STAG1: variants seen among roughly 807,000 people sequenced by gnomAD.
STAG1 encodes STAG1 cohesin complex component.
Under a neutral mutation model 170.9 loss-of-function variants are expected in STAG1, and 26 were observed. The observed-to-expected ratio is 0.15, with a 90% CI of 0.11 to 0.21. STAG1 has a LOEUF of 0.21. STAG1 is among the 10% of genes least tolerant of loss of function. The pLI, the probability that STAG1 is intolerant of heterozygous loss-of-function variation, is 1.00. For missense variants in STAG1, 964 were observed against 1,509.5 expected (o/e 0.64, Z 5.99); for synonymous variants, 514 against 497.7 (o/e 1.03, Z -0.44).
chr3:136,473,491 C>A (rs751137883), intron 11 of STAG1, 48 bp downstream of exon 11: 1 of 1,373,646 alleles, frequency 7.3e-7, no homozygotes, highest in Non-Finnish European at 1.0e-6. Context: ...CTGTAACTAG[C>A]ATTTGTAAAG....
At chr3:136,722,455 G>A (rs946211944) in intron 1 of STAG1, among the ~76,000 whole-genome samples, 30 of 152,106 alleles carry the variant, frequency 2.0e-4, no homozygotes, top group Non-Finnish European at 4.1e-4. Context: ...GAACAGATGA[G>A]GTCATCTACT....
intron 16 of STAG1, among the ~76,000 whole-genome samples, chr3:136,425,693 T>C (rs1416822736): frequency 6.6e-6 from 1 of 150,390 alleles, no homozygotes; most frequent in Non-Finnish European, 1.5e-5. Context: ...TATGTGTGTG[T>C]ATGTATGTAT....
intron 23 of STAG1, among the ~76,000 whole-genome samples, chr3:136,371,194 T>G (rs1360894447): frequency 6.6e-6 from 1 of 152,226 alleles, no homozygotes; most frequent in Non-Finnish European, 1.5e-5. Context: ...TTGTCCACTT[T>G]TTGATGTGGT....
At chr3:136,692,564 G>A (rs887071867) in intron 1 of STAG1, among the ~76,000 whole-genome samples, 1 of 152,072 alleles carries the variant, frequency 6.6e-6, no homozygotes, top group South Asian at 2.1e-4. Flanking sequence ...GAACCCAAGA[G>A]ATGGTGGTTG....
intron 9 of STAG1, among the ~76,000 whole-genome samples, chr3:136,486,632 G>A (rs959889499): frequency 2.6e-5 from 4 of 152,120 alleles, no homozygotes; most frequent in African/African-American, 9.7e-5. Context: ...AGCAGGCTGA[G>A]GACAAAGTCA....
intron 1 of STAG1, among the ~76,000 whole-genome samples, chr3:136,644,689 C>T (rs1940933369): frequency 1.3e-5 from 2 of 151,984 alleles, no homozygotes; most frequent in Admixed American, 1.3e-4. Context: ...TACAAACATG[C>T]AGTATTTCTG....
At chr3:136,568,890 C>G in intron 4 of STAG1, 29 bp from the exon 5 acceptor site, 1 of 1,538,708 alleles carries the variant, frequency 6.5e-7, no homozygotes, top group South Asian at 1.2e-5. Context: ...AAAATGAAAA[C>G]TTCAAAAAAA....
chr3:136,714,935 T>TAAAATATATA (rs1167683540), intron 1 of STAG1, among the ~76,000 whole-genome samples: 41 of 56,556 alleles, frequency 7.2e-4, no homozygotes, highest in African/African-American at 3.7e-3. Context: ...AATATATATA[T>TAAAATATATA]TAAATATATA....
chr3:136,663,175 GT>G (rs1302183150), intron 1 of STAG1, among the ~76,000 whole-genome samples: 1 of 152,058 alleles, frequency 6.6e-6, no homozygotes, highest in Non-Finnish European at 1.5e-5. Context: ...AAAGCTGTTT[GT>G]TTTTTTAAAA....
chr3:136,532,503 G>A (rs1031826491), intron 6 of STAG1, among the ~76,000 whole-genome samples: 21 of 152,046 alleles, frequency 1.4e-4, no homozygotes, highest in Non-Finnish European at 2.8e-4. Context: ...TTCTGGGCCT[G>A]GGCTTTTCTT....
At chr3:136,506,964 C>G (rs1002147786) in intron 7 of STAG1, among the ~76,000 whole-genome samples, 4 of 152,168 alleles carry the variant, frequency 2.6e-5, no homozygotes, top group African/African-American at 9.7e-5. Flanking sequence ...TATATGCTAT[C>G]ATTTGTGCAA....
chr3:136,536,439 C>A (rs1262297140), intron 6 of STAG1, among the ~76,000 whole-genome samples: 3 of 152,014 alleles, frequency 2.0e-5, no homozygotes, highest in Non-Finnish European at 4.4e-5. Flanking sequence ...CAGAATAGGA[C>A]AGTAGTTAAG....
chr3:136,561,217 C>A (rs1469330145), intron 5 of STAG1, among the ~76,000 whole-genome samples: 2 of 152,152 alleles, frequency 1.3e-5, no homozygotes, highest in Non-Finnish European at 2.9e-5. Flanking sequence ...AATGTGTCTC[C>A]ATCTTACAAA....
chr3:136,372,253 G>C (rs1277505517), intron 23 of STAG1, among the ~76,000 whole-genome samples: 2 of 152,218 alleles, frequency 1.3e-5, no homozygotes, highest in Non-Finnish European at 2.9e-5. Flanking sequence ...TTTGGGCTGA[G>C]ACGATGGGGT....
chr3:136,603,704 G>A (rs746871374), intron 4 of STAG1, among the ~76,000 whole-genome samples: 7 of 152,124 alleles, frequency 4.6e-5, no homozygotes, highest in Middle Eastern at 3.2e-3. Flanking sequence ...GTAACACGGT[G>A]AAACCCCATC....
At chr3:136,411,674 G>A (rs2087627709) in intron 21 of STAG1, among the ~76,000 whole-genome samples, 1 of 152,140 alleles carries the variant, frequency 6.6e-6, no homozygotes, top group Non-Finnish European at 1.5e-5. Context: ...ATAAAGGTCA[G>A]GTGTGGTGGC....
chr3:136,419,431 C>T (rs2087881366), intron 20 of STAG1, among the ~76,000 whole-genome samples: 1 of 151,924 alleles, frequency 6.6e-6, no homozygotes, highest in Admixed American at 6.6e-5. Flanking sequence ...TTTGACAACA[C>T]AAATTTCAGC....
At chr3:136,709,135 A>C (rs1943314729) in intron 1 of STAG1, among the ~76,000 whole-genome samples, 3 of 151,832 alleles carry the variant, frequency 2.0e-5, no homozygotes, top group Non-Finnish European at 4.4e-5. Flanking sequence ...GCTAAAAATA[A>C]AAGAATTAGC....
intron 21 of STAG1, among the ~76,000 whole-genome samples, chr3:136,410,472 C>T (rs2087595643): frequency 6.6e-6 from 1 of 151,968 alleles, no homozygotes; most frequent in Non-Finnish European, 1.5e-5. Context: ...GTGCAAGCTA[C>T]CACAAACAAC....
Sources: gnomAD v4.1 joint callset for allele counts (sites outside exome capture counted in the v4.1 genomes callset) on GRCh38, gnomAD v4.1.1 for gene constraint, MANE v1.5 for transcripts, NCBI Gene and HGNC (gene_info 2026-07-23, HGNC 2026-07-21) for gene names.